SLC35F1: variants seen among roughly 807,000 people sequenced by gnomAD.
SLC35F1 encodes the protein chromosome 6 open reading frame 169.
A neutral mutation model predicts 48.7 loss-of-function variants in SLC35F1; 14 were observed. The observed-to-expected ratio is 0.29, with a 90% CI of 0.19 to 0.45. The LOEUF (loss-of-function observed/expected upper bound fraction) is 0.45. Among genes scored for constraint, SLC35F1 ranks in the 20% least tolerant of loss-of-function variants. The pLI is 1.00. For missense variants in SLC35F1, 404 were observed against 500.0 expected (o/e 0.81, Z 1.83); for synonymous variants, 190 against 202.2 (o/e 0.94, Z 0.51).
At chr6:118,269,003 A>G (rs948869514) in intron 4 of SLC35F1, among the ~76,000 whole-genome samples, 14 of 152,262 alleles carry the variant, frequency 9.2e-5, no homozygotes, top group African/African-American at 2.9e-4. Flanking sequence ...TAAAAACTCT[A>G]TCTTCATGAA....
chr6:118,138,971 A>AACACACACAC (rs58109876), intron 1 of SLC35F1, among the ~76,000 whole-genome samples: 40 of 150,080 alleles, frequency 2.7e-4, no homozygotes, highest in African/African-American at 8.6e-4. Flanking sequence ...TTTCAGCAGA[A>AACACACACAC]ACACACACAC....
chr6:117,967,706 C>T (rs1231002248), intron 1 of SLC35F1, among the ~76,000 whole-genome samples: 1 of 152,198 alleles, frequency 6.6e-6, no homozygotes, highest in Admixed American at 6.5e-5. Flanking sequence ...CAATCTTATG[C>T]AATGAGTGAG....
At chr6:117,999,595 A>G (rs540819565) in intron 1 of SLC35F1, 2 of 599,248 alleles carry the variant, frequency 3.3e-6, no homozygotes, top group South Asian at 5.6e-5. Context: ...AATACCTAAA[A>G]TCAGAGCAGA....
chr6:118,142,489 A>G (rs1218771932), intron 1 of SLC35F1, among the ~76,000 whole-genome samples: 1 of 152,108 alleles, frequency 6.6e-6, no homozygotes, highest in Non-Finnish European at 1.5e-5. Flanking sequence ...CCACTTTATG[A>G]CATCCCTTTC....
intron 1 of SLC35F1, among the ~76,000 whole-genome samples, chr6:118,001,386 T>C (rs564365820): frequency 6.6e-6 from 1 of 152,312 alleles, no homozygotes; most frequent in South Asian, 2.1e-4. Context: ...CTGGGAAAAC[T>C]GGCTAGCCAT....
chr6:118,128,790 A>G (rs1257118818), intron 1 of SLC35F1, among the ~76,000 whole-genome samples: 1 of 151,836 alleles, frequency 6.6e-6, no homozygotes, highest in East Asian at 1.9e-4. Flanking sequence ...GTGCACATGT[A>G]CCCAAAAACT....
At chr6:117,973,246 G>A (rs73519591) in intron 1 of SLC35F1, among the ~76,000 whole-genome samples, 3,624 of 152,182 alleles carry the variant, frequency 0.024, 157 homozygotes, top group African/African-American at 0.083. Context: ...AAAGACAGCA[G>A]TCCTGTTGGA....
At chr6:117,910,018 TTGAG>T in intron 1 of SLC35F1, among the ~76,000 whole-genome samples, 1 of 152,372 alleles carries the variant, frequency 6.6e-6, no homozygotes, top group East Asian at 1.9e-4. Context: ...ATATTTTGTA[TTGAG>T]TAACTGGCTT....
Position 117,907,703 on chromosome 6 carries a change from C to A in SLC35F1, c.-24C>A. The A allele has an allele frequency of 1.4e-6, 2 of 1,431,186 alleles. No homozygotes were observed. Among genetic ancestry groups the A allele is most frequent in the Non-Finnish European group, 1.9e-6 (2 of 1,062,590 alleles). The allele number at this position is 1,431,186 out of a possible 1,614,324, so 88.7% of individuals were successfully genotyped here. Reference sequence around the variant, plus strand: ...ATGCACCCGGCTGCGTTCTGATCGCCGCCGCGCCTCAGCCTCTGCCGCGAT... The same window carrying A: ...ATGCACCCGGCTGCGTTCTGATCGCAGCCGCGCCTCAGCCTCTGCCGCGAT... On this transcript the variant is annotated 5_prime_UTR_variant, in exon 1 of 8. Transcript: ENST00000360388.
chr6:118,151,272 A>T (rs1272312416), intron 1 of SLC35F1, among the ~76,000 whole-genome samples: 1 of 151,890 alleles, frequency 6.6e-6, no homozygotes, highest in Non-Finnish European at 1.5e-5. Context: ...TTTCTTAGGG[A>T]TATTATCCAT....
chr6:118,022,597 G>A (rs907065306), intron 1 of SLC35F1, among the ~76,000 whole-genome samples: 4 of 152,030 alleles, frequency 2.6e-5, no homozygotes, highest in African/African-American at 4.8e-5. Flanking sequence ...AGAAAAGGAA[G>A]TTGATGGGGT....
chr6:118,005,823 C>T (rs1336133507), intron 1 of SLC35F1, among the ~76,000 whole-genome samples: 1 of 152,152 alleles, frequency 6.6e-6, no homozygotes, highest in African/African-American at 2.4e-5. Context: ...GCTGATCCTC[C>T]AGCTCCTCTA....
chr6:118,014,860 C>A (rs1777298103), intron 1 of SLC35F1, among the ~76,000 whole-genome samples: 1 of 152,188 alleles, frequency 6.6e-6, no homozygotes, highest in African/African-American at 2.4e-5. Flanking sequence ...CTGAGGCTCA[C>A]CTATATGGGC....
chr6:118,181,204 T>C lies in SLC35F1; in HGVS notation c.349+26584T>C, dbSNP rs538420063. Among the ~76,000 whole-genome samples, 6 of 152,214 alleles carry C rather than the reference T, an allele frequency of 3.9e-5. No homozygotes were observed. The South Asian group carries it at 1.2e-3, about 32-fold the overall frequency. On this transcript the variant is annotated intron_variant, in intron 2 of 7. Coordinates refer to ENST00000360388, the MANE Select transcript of SLC35F1 (RefSeq NM_001029858.4). ...AAGAAGGAATGGTAAGTAAATAATA[T>C]GGCAAACATGAAGGCAAATCTATAC... is the stretch of plus-strand genomic sequence containing the variant.
At chr6:118,278,108 C>T (rs1020716074) in intron 6 of SLC35F1, among the ~76,000 whole-genome samples, 2 of 152,232 alleles carry the variant, frequency 1.3e-5, no homozygotes, top group East Asian at 3.8e-4. Flanking sequence ...TCCAGGACTT[C>T]TCAGGTTCCA....
chr6:117,930,319 G>A (rs967851470), intron 1 of SLC35F1, among the ~76,000 whole-genome samples: 6 of 152,072 alleles, frequency 3.9e-5, no homozygotes, highest in South Asian at 2.1e-4. Context: ...CTGCAGACAG[G>A]CTCCCTTTTA....
intron 1 of SLC35F1, among the ~76,000 whole-genome samples, chr6:117,961,491 C>A (rs939442110): frequency 1.3e-5 from 2 of 152,126 alleles, no homozygotes; most frequent in African/African-American, 4.8e-5. Context: ...GGAGTTGCTT[C>A]GTCGGGTCTA....
intron 1 of SLC35F1, among the ~76,000 whole-genome samples, chr6:118,129,519 T>C (rs915359137): frequency 6.6e-6 from 1 of 152,080 alleles, no homozygotes; most frequent in Non-Finnish European, 1.5e-5. Flanking sequence ...GGGACCCTGA[T>C]GGGAGTGAGG....
intron 1 of SLC35F1, among the ~76,000 whole-genome samples, chr6:118,074,036 C>A (rs1476029146): frequency 6.6e-6 from 1 of 152,136 alleles, no homozygotes; most frequent in East Asian, 1.9e-4. Context: ...ATTACTTTAG[C>A]TTTTCCCTAT....
Sources: gnomAD v4.1 joint callset for allele counts (sites outside exome capture counted in the v4.1 genomes callset) on GRCh38, gnomAD v4.1.1 for gene constraint, MANE v1.5 for transcripts, NCBI Gene and HGNC (gene_info 2026-07-23, HGNC 2026-07-21) for gene names.